Variants in ALG9 observed in about 807,000 individuals in gnomAD.
The protein encoded by ALG9 is ALG9 alpha-1,2-mannosyltransferase.
ALG9 carries 55 observed loss-of-function variants against 81.8 expected under a neutral mutation model. The observed-to-expected ratio is 0.67, with a 90% CI of 0.54 to 0.84. The LOEUF is 0.84. Among genes scored for constraint, ALG9 ranks in the 40% least tolerant of loss-of-function variants. The pLI, the probability that ALG9 is intolerant of heterozygous loss-of-function variation, is 0.00. For missense variants in ALG9, 629 were observed against 745.0 expected (o/e 0.84, Z 1.81); for synonymous variants, 278 against 274.3 (o/e 1.01, Z -0.13).
At chr11:111,859,868 A>T (rs1959423772) in intron 5 of ALG9, among the ~76,000 whole-genome samples, 1 of 152,018 alleles carries the variant, frequency 6.6e-6, no homozygotes, top group Non-Finnish European at 1.5e-5. Context: ...AAATTGAGAC[A>T]ATTATATCCA....
intron 6 of ALG9, among the ~76,000 whole-genome samples, chr11:111,855,171 G>T (rs573108906): frequency 1.3e-5 from 2 of 152,158 alleles, no homozygotes; most frequent in Non-Finnish European, 2.9e-5. Context: ...ATATTTTAGG[G>T]TCTGCAGGCC....
Position 111,839,352 on chromosome 11 carries a change from G to A in ALG9, c.1174-953C>T, listed in dbSNP as rs781859647. On this transcript the variant is annotated intron_variant, in intron 10 of 14. Transcript: ENST00000616540. ...TGTAATCCCAGCACTTTGGGAGGCC[G>A]AGACGGGAGGATCACAAGGTCATGA... Among the ~76,000 whole-genome samples, 120 of 152,178 alleles carry A rather than the reference G, an allele frequency of 7.9e-4. 1 individual carries two copies. Among genetic ancestry groups the A allele is most frequent in the Middle Eastern group, 3.4e-3 (1 of 294 alleles).
chr11:111,858,001 G>A (rs1038081750), intron 5 of ALG9: 6 of 397,598 alleles, frequency 1.5e-5, no homozygotes, highest in African/African-American at 1.2e-4. Flanking sequence ...TGCAGTGGTG[G>A]GATCTCAGCT....
At position 111,786,208 on chromosome 11, in the gene ALG9, C is replaced by T. The variant is rs1946447545; in HGVS notation, c.*189G>A. On this transcript the variant is annotated 3_prime_UTR_variant, in exon 15 of 15. Coordinates refer to ENST00000616540, the MANE Select transcript of ALG9 (RefSeq NM_024740.2). ...AAAGTTTACATGCAGAACAGAGACA[C>T]ACACAGGGAGCAAATGTGACTTTGA... 4 of 877,826 alleles carry T rather than the reference C, an allele frequency of 4.6e-6. No homozygotes were observed. In the Admixed American group the frequency reaches 8.0e-5, roughly 18 times the overall value. 54.4% of individuals were successfully genotyped at this position (877,826 alleles called of 1,614,324 possible). A position where few individuals can be genotyped will look rare whatever the true frequency, so the allele number is the denominator to read the frequency against.
chr11:111,861,710 G>T (rs1960210844), intron 4 of ALG9, among the ~76,000 whole-genome samples: 1 of 152,066 alleles, frequency 6.6e-6, no homozygotes, highest in South Asian at 2.1e-4. Flanking sequence ...CTGAGCTCAA[G>T]CAATCCTCAA....
rs150673768 is a variant in ALG9, at chr11:111,836,493, T to C, written c.1473-199A>G. Among the ~76,000 whole-genome samples the C allele has an allele frequency of 1.1e-3, 169 of 152,308 alleles. 1 individual carries two copies. Among genetic ancestry groups the C allele is most frequent in the African/African-American group, 3.7e-3 (153 of 41,566 alleles). The stretch of plus-strand genomic sequence containing the variant: ...TCATTGAGAAATTTATAATTAGATG[T>C]CTCTTGACCCATTTCACCAACTGTT... On this transcript the variant is annotated intron_variant, in intron 12 of 14. Transcript: ENST00000616540.
chr11:111,808,270 A>G (rs1444243154), intron 14 of ALG9, among the ~76,000 whole-genome samples: 2 of 152,084 alleles, frequency 1.3e-5, no homozygotes, highest in African/African-American at 4.8e-5. Flanking sequence ...CCTCTCCCCA[A>G]CCGTCCCTTC....
At chr11:111,840,011 T>A (rs1031200793) in intron 10 of ALG9, among the ~76,000 whole-genome samples, 38 of 152,160 alleles carry the variant, frequency 2.5e-4, no homozygotes, top group Non-Finnish European at 5.4e-4. Context: ...CTGACTGTGG[T>A]GACAACTGCA....
chr11:111,769,776 G>C, the ALG9 span, among the ~76,000 whole-genome samples: 3 of 152,140 alleles, frequency 2.0e-5, no homozygotes, highest in African/African-American at 7.2e-5. Flanking sequence ...AAACTACTTT[G>C]TTTAAAATAC....
chr11:111,828,240 T>C (rs1431694849), intron 13 of ALG9, among the ~76,000 whole-genome samples: 1 of 152,216 alleles, frequency 6.6e-6, no homozygotes, highest in Admixed American at 6.5e-5. Context: ...TTATACATCA[T>C]TGTCTTCTTG....
intron 13 of ALG9, among the ~76,000 whole-genome samples, chr11:111,819,238 T>C (rs1474365474): frequency 1.3e-5 from 2 of 152,238 alleles, no homozygotes; most frequent in Non-Finnish European, 2.9e-5. Flanking sequence ...TCCAGCTGCC[T>C]GAGCCAAAGC....
chr11:111,844,562 T>C (rs376987783), intron 9 of ALG9, 39 bp downstream of exon 9: 231 of 1,613,410 alleles, frequency 1.4e-4, no homozygotes, highest in Non-Finnish European at 1.8e-4. Flanking sequence ...TTACTTGCTC[T>C]TTCCTCCCAA....
At chr11:111,818,949 TG>T (rs1364972091) in intron 13 of ALG9, among the ~76,000 whole-genome samples, 1 of 152,126 alleles carries the variant, frequency 6.6e-6, no homozygotes, top group Non-Finnish European at 1.5e-5. Context: ...CCCGTAGCAC[TG>T]GGCAGAAGAA....
chr11:111,781,215 A>G (rs1945918320), downstream of ALG9, among the ~76,000 whole-genome samples: 1 of 152,226 alleles, frequency 6.6e-6, no homozygotes. Flanking sequence ...AGGAAGAATA[A>G]TAATAACCAA....
At chr11:111,833,087 A>G (rs935560652) in intron 13 of ALG9, among the ~76,000 whole-genome samples, 37 of 152,188 alleles carry the variant, frequency 2.4e-4, no homozygotes, top group African/African-American at 8.7e-4. Flanking sequence ...GCATTAAATT[A>G]AAGTCAGAAA....
chr11:111,824,022 T>C (rs542498547), intron 13 of ALG9, among the ~76,000 whole-genome samples: 2 of 152,342 alleles, frequency 1.3e-5, no homozygotes, highest in African/African-American at 2.4e-5. Context: ...CTGGATGATA[T>C]CTCTTAGTTC....
chr11:111,808,648 GC>G (rs1950264194), intron 14 of ALG9, among the ~76,000 whole-genome samples: 2 of 152,238 alleles, frequency 1.3e-5, no homozygotes, highest in African/African-American at 4.8e-5. Context: ...CCTGTCCTGG[GC>G]CTGGGCCCAG....
chr11:111,861,500 T>C (rs1000871266), intron 4 of ALG9, among the ~76,000 whole-genome samples: 1 of 152,214 alleles, frequency 6.6e-6, no homozygotes, highest in Non-Finnish European at 1.5e-5. Context: ...GATAGAGTCA[T>C]ACTCTCTGTC....
At chr11:111,773,355 C>T in the ALG9 span, among the ~76,000 whole-genome samples, 10 of 152,280 alleles carry the variant, frequency 6.6e-5, no homozygotes, top group Middle Eastern at 0.014. Context: ...AGTGATTCTT[C>T]TGCCTCAGCC....
Sources: allele counts gnomAD v4.1 joint callset (sites outside exome capture counted in the v4.1 genomes callset), GRCh38; gene constraint gnomAD v4.1.1; transcripts MANE v1.5; gene names NCBI Gene and HGNC (gene_info 2026-07-23, HGNC 2026-07-21).